Variants in VPS26C observed in about 807,000 individuals in gnomAD.
VPS26C encodes the protein vacuolar protein sorting-associated protein 26C.
Under a neutral mutation model 30.6 loss-of-function variants are expected in VPS26C, and 19 were observed. The ratio of observed to expected loss-of-function variants is 0.62; its 90% CI spans 0.43 to 0.91. VPS26C has a LOEUF of 0.91. Ranked by LOEUF, VPS26C falls within the 40% of genes least tolerant of loss-of-function variation. The pLI, the probability that VPS26C is intolerant of heterozygous loss-of-function variation, is 0.00. For synonymous variants in VPS26C, 132 were observed against 151.5 expected, an observed-to-expected ratio of 0.87 and a Z score of 0.95; for missense variants, 318 against 385.1, an observed-to-expected ratio of 0.83 and a Z score of 1.46.
rs570941456 is a variant in VPS26C at position 37,257,416 on chromosome 21, G to C, written c.57+9822C>G. Among the ~76,000 whole-genome samples the C allele has an allele frequency of 6.6e-6, 1 of 152,352 alleles. No homozygotes were observed. Among genetic ancestry groups the C allele is most frequent in the African/African-American group, 2.4e-5 (1 of 41,580 alleles). ...AGCGTCTGGCCTGTGTGCTCTCGGG[G>C]AGGGGACGCAGGTCAGCCCACCTAG... On this transcript the variant is annotated intron_variant, in intron 1 of 7. Transcript: ENST00000309117. This position sits in a 1 kb window ranked among gnomAD's most constrained non-coding sequence, Gnocchi z 4.2.
chr21:37,255,851 A>ATTTTTTTTTT (rs375877407), intron 1 of VPS26C, among the ~76,000 whole-genome samples: 3,615 of 108,200 alleles, frequency 0.033, 509 homozygotes, highest in African/African-American at 0.082. Context: ...TATGCACTGC[A>ATTTTTTTTTT]TTTTTTTTTT....
intron 1 of VPS26C, among the ~76,000 whole-genome samples, chr21:37,241,075 G>C (rs2086082525): frequency 6.6e-6 from 1 of 152,222 alleles, no homozygotes; most frequent in African/African-American, 2.4e-5. Flanking sequence ...TTTCTCAATA[G>C]CGCTGACTAA....
rs374747242 is a variant in VPS26C at position 37,233,302 on chromosome 21, C to T, written c.432+60G>A. The T allele has an allele frequency of 2.1e-6, 3 of 1,443,568 alleles. No individual in the cohort carries two copies. Among genetic ancestry groups the T allele is most frequent in the East Asian group, 4.5e-5 (2 of 43,978 alleles). The allele number at this position is 1,443,568 out of a possible 1,614,324, so 89.4% of individuals were successfully genotyped here. A position where few individuals can be genotyped will look rare whatever the true frequency, so the allele number is the denominator to read the frequency against. On this transcript the variant is annotated intron_variant, in intron 4 of 7. Transcript: ENST00000309117. The surrounding 1 kb of genome is among the most constrained non-coding windows in gnomAD (Gnocchi z 5.2). The stretch of plus-strand genomic sequence containing the variant: ...ATGGTGAGCTTGTAAATAGGGTAAA[C>T]TCTCAGACCCCATGGGAGATTCCTA...
At chr21:37,267,213 A>AAGCCC in intron 1 of VPS26C, 25 bp downstream of exon 1, 2 of 415,800 alleles carry the variant, frequency 4.8e-6, no homozygotes, top group Non-Finnish European at 9.3e-6. Context: ...CCCCACCTCC[A>AAGCCC]TCCCCACCCC....
At chr21:37,231,552 C>G (rs1356743169) in intron 5 of VPS26C, 4 of 152,418 alleles carry the variant, frequency 2.6e-5, no homozygotes, top group Admixed American at 6.5e-5. Flanking sequence ...CCAATGACAT[C>G]CCAGGGCCCA....
At chr21:37,253,700 T>C (rs1163159944) in intron 1 of VPS26C, among the ~76,000 whole-genome samples, 1 of 152,208 alleles carries the variant, frequency 6.6e-6, no homozygotes, top group African/African-American at 2.4e-5. Context: ...TAATAGAGAC[T>C]ACCTGATTTC....
chr21:37,266,874 G>C (rs1402653752), intron 1 of VPS26C: 2 of 360,126 alleles, frequency 5.6e-6, no homozygotes, highest in Non-Finnish European at 1.0e-5. Context: ...AGGGGAGTTT[G>C]GTCGTCAACT....
chr21:37,262,360 A>G (rs2086313521), intron 1 of VPS26C, among the ~76,000 whole-genome samples: 1 of 152,198 alleles, frequency 6.6e-6, no homozygotes, highest in Non-Finnish European at 1.5e-5. Flanking sequence ...AAGCTCCAGA[A>G]GGGCCCCCAG....
In VPS26C at chr21:37,224,196, A is replaced by G. The variant is rs1346588113; in HGVS notation, c.*1348T>C. ...AACCTACCCAGTAACAACAGGAGCA[A>G]ACATACATGTTTTCCCCTCATGTAA... On this transcript the variant is annotated 3_prime_UTR_variant, in exon 8 of 8. Coordinates refer to ENST00000309117, the MANE Select transcript of VPS26C (RefSeq NM_006052.2). The G allele has an allele frequency of 6.6e-6, 1 of 152,272 alleles. No individual in the cohort carries two copies. Among genetic ancestry groups the G allele is most frequent in the Non-Finnish European group, 1.5e-5 (1 of 68,074 alleles). 9.4% of individuals were successfully genotyped at this position (152,272 alleles called of 1,614,324 possible).
intron 1 of VPS26C, among the ~76,000 whole-genome samples, chr21:37,250,203 G>A (rs1310602331): frequency 7.2e-5 from 11 of 152,096 alleles, no homozygotes; most frequent in Non-Finnish European, 1.6e-4. Context: ...TACTTGGGAG[G>A]CTGAGGCAGG....
At chr21:37,241,489 G>A (rs1025823836) in intron 1 of VPS26C, among the ~76,000 whole-genome samples, 3 of 152,114 alleles carry the variant, frequency 2.0e-5, no homozygotes, top group African/African-American at 4.8e-5. Flanking sequence ...AGTATCAAGC[G>A]GAACAGAAAG....
At chr21:37,264,091 C>T (rs1018909494) in intron 1 of VPS26C, among the ~76,000 whole-genome samples, 2 of 152,196 alleles carry the variant, frequency 1.3e-5, no homozygotes, top group African/African-American at 4.8e-5. Context: ...GAGTCTAGCA[C>T]ATGAGTCATG....
intron 1 of VPS26C, among the ~76,000 whole-genome samples, chr21:37,255,248 T>C (rs940964927): frequency 5.9e-5 from 9 of 152,206 alleles, no homozygotes; most frequent in African/African-American, 2.2e-4. Flanking sequence ...ACAGGACTGC[T>C]TGCTGCTCCT....
chr21:37,249,907 T>C (rs1388496132), intron 1 of VPS26C, among the ~76,000 whole-genome samples: 5 of 152,104 alleles, frequency 3.3e-5, no homozygotes, highest in East Asian at 3.8e-4. Context: ...CCAGACAGTA[T>C]GGGAAGCTAA....
At chr21:37,231,305 C>T (rs925140923) in intron 5 of VPS26C, among the ~76,000 whole-genome samples, 4 of 152,242 alleles carry the variant, frequency 2.6e-5, no homozygotes, top group Non-Finnish European at 4.4e-5. Context: ...GTCATGGAAG[C>T]AGCAGCTATC....
chr21:37,236,845 C>G (rs982755405), intron 3 of VPS26C, among the ~76,000 whole-genome samples: 1 of 152,190 alleles, frequency 6.6e-6, no homozygotes, highest in African/African-American at 2.4e-5. Context: ...GGCAATTATT[C>G]CCTTTACTAA....
In VPS26C at chr21:37,223,751, C is replaced by T. The variant is rs1180256979; in HGVS notation, c.*1793G>A. The T allele has an allele frequency of 1.3e-5, 2 of 152,232 alleles. No individual in the cohort carries two copies. Among genetic ancestry groups the T allele is most frequent in the South Asian group, 2.1e-4 (1 of 4,836 alleles). The allele number at this position is 152,232 out of a possible 1,614,324, so 9.4% of individuals were successfully genotyped here. ...TGGATAAAGCAGTGCCTAAATCAGG[C>T]TTGTTTACCCTTGGCATTATGTCAC... On this transcript the variant is annotated 3_prime_UTR_variant, in exon 8 of 8. Transcript: ENST00000309117.
rs547832577 is a variant in VPS26C, at chr21:37,240,536, T to C, written c.161A>G (p.Lys54Arg). The change falls in exon 2 of 8, where the codon AAA becomes AGA. Residue 54 changes from lysine (K) to arginine (R), a missense_variant. Physicochemically the swap from Lys to Arg is conservative, Grantham distance 26. Coordinates refer to ENST00000309117, the MANE Select transcript of VPS26C (RefSeq NM_006052.2). ...AAAAGCTTCAAACACACCCACACTT[T>C]TGGCACTGAGCTGGAGGTTTACAGT... is the stretch of plus-strand genomic sequence containing the variant. ...EGTVNLQLSA[K>R]SVGVFEAFYN... is the part of the protein sequence containing the mutation. 3 of 1,614,210 alleles carry C rather than the reference T, an allele frequency of 1.9e-6. No individual in the cohort carries two copies. In the African/African-American group the frequency reaches 4.0e-5, roughly 22 times the overall value.
intron 5 of VPS26C, among the ~76,000 whole-genome samples, chr21:37,232,170 C>A (rs944692918): frequency 2.0e-5 from 3 of 152,168 alleles, no homozygotes; most frequent in Non-Finnish European, 4.4e-5. Context: ...CCCTGAGGAA[C>A]TTTTCAAAAG....
Sources: allele counts gnomAD v4.1 joint callset (sites outside exome capture counted in the v4.1 genomes callset), GRCh38; gene constraint gnomAD v4.1.1; non-coding constraint Gnocchi (gnomAD v3.1); transcripts MANE v1.5; gene names NCBI Gene and HGNC (gene_info 2026-07-23, HGNC 2026-07-21).